The following NINJ1 variants were observed in gnomAD, a reference collection of about 807,000 sequenced individuals.
The protein encoded by NINJ1 is ninjurin 1.
NINJ1 carries 6 observed loss-of-function variants against 12.7 expected under a neutral mutation model. That is an observed-to-expected ratio of 0.47 (90% CI 0.26 to 0.93). NINJ1 has a LOEUF of 0.93. Among genes scored for constraint, NINJ1 ranks in the 40% least tolerant of loss-of-function variants. The pLI, the probability that NINJ1 is intolerant of heterozygous loss-of-function variation, is 0.15. For missense variants in NINJ1, 170 were observed against 213.0 expected (o/e 0.80, Z 1.26); for synonymous variants, 100 against 96.0 (o/e 1.04, Z -0.25).
At chr9:93,131,196 C>G (rs1827888156) in intron 1 of NINJ1, among the ~76,000 whole-genome samples, 1 of 152,254 alleles carries the variant, frequency 6.6e-6, no homozygotes, top group Non-Finnish European at 1.5e-5. Flanking sequence ...GAGGGTCTCC[C>G]AGCTCCATGT....
At chr9:93,124,501 C>T (rs1300628906) in intron 3 of NINJ1, among the ~76,000 whole-genome samples, 1 of 152,166 alleles carries the variant, frequency 6.6e-6, no homozygotes, top group Non-Finnish European at 1.5e-5. Flanking sequence ...TCTCGAACTC[C>T]TGACCTCAAG....
intron 1 of NINJ1, among the ~76,000 whole-genome samples, chr9:93,133,704 C>T (rs905471115): frequency 6.6e-6 from 1 of 152,240 alleles, no homozygotes; most frequent in Non-Finnish European, 1.5e-5. Context: ...TGGTCTGGAG[C>T]CCGGAGGCTG....
chr9:93,133,915 C>G (rs142249111), intron 1 of NINJ1, among the ~76,000 whole-genome samples: 1 of 152,202 alleles, frequency 6.6e-6, no homozygotes, highest in Non-Finnish European at 1.5e-5. Flanking sequence ...GGGACGCCAG[C>G]CCGCCCTGCG....
chr9:93,131,941 G>A (rs999393333), intron 1 of NINJ1, among the ~76,000 whole-genome samples: 1 of 152,176 alleles, frequency 6.6e-6, no homozygotes, highest in Admixed American at 6.5e-5. Flanking sequence ...GGAAACTGAG[G>A]GAGCTGGGCA....
At position 93,123,559 on chromosome 9, in the gene NINJ1, C is replaced by T. The variant is rs184681894; in HGVS notation, c.*10-1329G>A. Reference sequence around the variant, plus strand: ...TCAGCCACCCAAAGTGCTGGGATTACAGGTGTGAGCCACCGTGCCTGGCCT... The same window carrying T: ...TCAGCCACCCAAAGTGCTGGGATTATAGGTGTGAGCCACCGTGCCTGGCCT... On this transcript the variant is annotated intron_variant, in intron 3 of 3. Transcript: ENST00000375446. Among the ~76,000 whole-genome samples, 364 of 152,344 alleles carry T rather than the reference C, an allele frequency of 2.4e-3. 1 individual carries two copies. The highest frequency in any genetic ancestry group is 8.4e-3 in the African/African-American group (351 of 41,584).
At chr9:93,130,465 C>A (rs1414597567) in intron 1 of NINJ1, among the ~76,000 whole-genome samples, 2 of 152,196 alleles carry the variant, frequency 1.3e-5, no homozygotes, top group East Asian at 3.9e-4. Context: ...AGGGTCGGGG[C>A]TGTGGGCCCA....
At chr9:93,125,151 G>T in intron 2 of NINJ1, 89 bp from the exon 3 acceptor site, 1 of 1,349,736 alleles carries the variant, frequency 7.4e-7, no homozygotes, top group Non-Finnish European at 1.0e-6. Context: ...CACCCCAGCG[G>T]TCAAGCTGTC....
chr9:93,123,509 C>T (rs1206518400), intron 3 of NINJ1, among the ~76,000 whole-genome samples: 5 of 152,202 alleles, frequency 3.3e-5, no homozygotes, highest in Non-Finnish European at 7.3e-5. Context: ...GTCTCAAGCT[C>T]CCGACCTCAG....
At chr9:93,132,858 G>A (rs540615761) in intron 1 of NINJ1, among the ~76,000 whole-genome samples, 5 of 152,372 alleles carry the variant, frequency 3.3e-5, no homozygotes, top group African/African-American at 9.6e-5. Flanking sequence ...GGCAAGGTCA[G>A]GGTTGGGGGA....
At chr9:93,134,040 A>G in intron 1 of NINJ1, 103 bp downstream of exon 1, 2 of 864,912 alleles carry the variant, frequency 2.3e-6, no homozygotes, top group African/African-American at 1.8e-5. Context: ...GTCCCCCAAC[A>G]CTCTGCAGTG....
intron 1 of NINJ1, 59 bp downstream of exon 1, chr9:93,134,084 C>G: frequency 1.5e-6 from 2 of 1,354,520 alleles, no homozygotes; most frequent in Admixed American, 2.3e-5. Flanking sequence ...CGGGGAGCCG[C>G]GGCGCCCCGA....
chr9:93,134,189 A>G lies in NINJ1; in HGVS notation c.29T>C (p.Leu10Pro), dbSNP rs1156476559. The change falls in exon 1 of 4, where the codon CTC becomes CCC. Residue 10 changes from leucine (L) to proline (P), a missense_variant. Leu to Pro is a moderately conservative substitution (Grantham distance 98, BLOSUM62 -3). Coordinates refer to ENST00000375446, the MANE Select transcript of NINJ1 (RefSeq NM_004148.4). The part of the protein sequence containing the change: MDSGTEEYE[L>P]NGGLPPGTPG... ...TGTGCCCGGAGGCAGGCCGCCGTTG[A>G]GCTCGTACTCCTCGGTTCCCGAGTC... 5 of 1,542,146 alleles carry G rather than the reference A, an allele frequency of 3.2e-6. No homozygotes were observed. The East Asian group carries it at 1.2e-4, about 38-fold the overall frequency.
At chr9:93,126,340 G>C (rs1827808324) in intron 2 of NINJ1, 70 bp downstream of exon 2, 1 of 1,384,594 alleles carries the variant, frequency 7.2e-7, no homozygotes, top group Non-Finnish European at 1.0e-6. Context: ...GTGGGCACCT[G>C]TCCCAGGCGA....
At chr9:93,123,442 G>A (rs913233102) in intron 3 of NINJ1, among the ~76,000 whole-genome samples, 1 of 152,140 alleles carries the variant, frequency 6.6e-6, no homozygotes, top group Non-Finnish European at 1.5e-5. Context: ...GCGCCATCAC[G>A]CCTGGCTAAT....
At chr9:93,130,957 T>C (rs1827885390) in intron 1 of NINJ1, among the ~76,000 whole-genome samples, 2 of 152,150 alleles carry the variant, frequency 1.3e-5, no homozygotes, top group Admixed American at 6.5e-5. Context: ...GCCCTAACCC[T>C]TGGACTCAGC....
At position 93,134,209 on chromosome 9, in the gene NINJ1, C is replaced by T. The variant is rs772477673; in HGVS notation, c.9G>A (p.Ser3=). Residue 3 remains serine (S), a synonymous_variant, in exon 1 of 4, where the codon TCG becomes TCA. Coordinates refer to ENST00000375446, the MANE Select transcript of NINJ1 (RefSeq NM_004148.4). MD[S]GTEEYELNGG... is the part of the protein sequence containing the mutation. ...CGTTGAGCTCGTACTCCTCGGTTCC[C>T]GAGTCCATGGTGCGGCCGCCCAGGC... is the stretch of plus-strand genomic sequence containing the variant. The T allele has an allele frequency of 5.3e-6, 8 of 1,511,668 alleles. No individual in the cohort carries two copies. The South Asian group carries it at 6.2e-5, about 12-fold the overall frequency. The allele number at this position is 1,511,668 out of a possible 1,614,324, so 93.6% of individuals were successfully genotyped here.
intron 1 of NINJ1, among the ~76,000 whole-genome samples, chr9:93,128,875 C>T (rs1827850398): frequency 6.6e-6 from 1 of 152,368 alleles, no homozygotes; most frequent in Non-Finnish European, 1.5e-5. Context: ...ACAATACGCA[C>T]ACACAAATAC....
At chr9:93,132,344 T>C (rs1454343035) in intron 1 of NINJ1, among the ~76,000 whole-genome samples, 1 of 152,186 alleles carries the variant, frequency 6.6e-6, no homozygotes, top group Non-Finnish European at 1.5e-5. Context: ...CAGACCGTGA[T>C]CAGGCCTGCA....
intron 1 of NINJ1, among the ~76,000 whole-genome samples, chr9:93,126,934 C>A (rs548445733): frequency 6.6e-6 from 1 of 152,162 alleles, no homozygotes; most frequent in Non-Finnish European, 1.5e-5. Context: ...CCCACTCCTG[C>A]CATAGGCGGG....
Sources: gnomAD v4.1 joint callset for allele counts (sites outside exome capture counted in the v4.1 genomes callset) on GRCh38, gnomAD v4.1.1 for gene constraint, MANE v1.5 for transcripts, NCBI Gene and HGNC (gene_info 2026-07-23, HGNC 2026-07-21) for gene names.